NT5C2: variants seen among roughly 807,000 people sequenced by gnomAD.
NT5C2 encodes cytosolic purine 5'-nucleotidase.
In NT5C2, 58 loss-of-function variants were observed where a neutral mutation model predicts 76.1. The ratio of observed to expected loss-of-function variants is 0.76; its 90% CI spans 0.62 to 0.95. The LOEUF is 0.95. Ranked by LOEUF, NT5C2 falls within the 40% of genes least tolerant of loss-of-function variation. NT5C2 has a pLI of 0.00. For missense variants in NT5C2, 478 were observed against 690.3 expected (o/e 0.69, Z 3.45); for synonymous variants, 229 against 237.4 (o/e 0.96, Z 0.32).
chr10:103,114,609 C>T (rs994092901), intron 4 of NT5C2, among the ~76,000 whole-genome samples: 1 of 152,060 alleles, frequency 6.6e-6, no homozygotes, highest in Non-Finnish European at 1.5e-5. Context: ...CTACCTTCTT[C>T]AAAGAGTCTT....
chr10:103,183,874 A>C (rs1367953133), intron 1 of NT5C2, among the ~76,000 whole-genome samples: 1 of 152,108 alleles, frequency 6.6e-6, no homozygotes, highest in Non-Finnish European at 1.5e-5. Flanking sequence ...GGCTCCTTGA[A>C]ACTGTTGCAT....
At chr10:103,130,429 G>A (rs1202727468) in intron 4 of NT5C2, among the ~76,000 whole-genome samples, 123 of 150,728 alleles carry the variant, frequency 8.2e-4, no homozygotes, top group Middle Eastern at 6.8e-3. Context: ...GAAGGCCGCA[G>A]GGTCCTCTGC....
intron 4 of NT5C2, among the ~76,000 whole-genome samples, chr10:103,109,555 G>A (rs1443761429): frequency 3.9e-5 from 6 of 152,122 alleles, no homozygotes; most frequent in African/African-American, 1.4e-4. Flanking sequence ...TAAGTAATTT[G>A]GGTAATCTAC....
At chr10:103,156,804 T>G (rs1042516041) in intron 3 of NT5C2, among the ~76,000 whole-genome samples, 2 of 150,876 alleles carry the variant, frequency 1.3e-5, no homozygotes, top group Non-Finnish European at 2.9e-5. Context: ...ACGCCTGTAA[T>G]CCCAGCACTT....
At chr10:103,108,367 A>C (rs995502042) in intron 4 of NT5C2, among the ~76,000 whole-genome samples, 7 of 152,330 alleles carry the variant, frequency 4.6e-5, no homozygotes, top group African/African-American at 1.7e-4. Context: ...AACTATTATT[A>C]TTATAGTTCT....
chr10:103,139,366 C>G, intron 4 of NT5C2, 40 bp downstream of exon 4: 1 of 1,395,684 alleles, frequency 7.2e-7, no homozygotes, highest in Non-Finnish European at 9.9e-7. Context: ...GTGTTATACC[C>G]AAAGCAGCAG....
intron 1 of NT5C2, among the ~76,000 whole-genome samples, chr10:103,185,456 A>G (rs4917997): frequency 0.41 from 61,905 of 151,576 alleles, 12,825 homozygotes; most frequent in East Asian, 0.53. Flanking sequence ...GACCAGCCTA[A>G]GCAACATGGC....
chr10:103,164,700 C>A (rs548808831), intron 3 of NT5C2, among the ~76,000 whole-genome samples: 1 of 152,158 alleles, frequency 6.6e-6, no homozygotes, highest in South Asian at 2.1e-4. Context: ...ATGAATAAAT[C>A]TCTCTCTCAG....
intron 11 of NT5C2, among the ~76,000 whole-genome samples, chr10:103,096,369 G>C (rs2068178373): frequency 6.6e-6 from 1 of 152,210 alleles, no homozygotes; most frequent in African/African-American, 2.4e-5. Context: ...GTTTATGTAA[G>C]ACTGTTTACT....
chr10:103,100,150 T>C, intron 8 of NT5C2, 131 bp from the exon 9 acceptor site: 2 of 584,642 alleles, frequency 3.4e-6, no homozygotes, highest in Non-Finnish European at 6.1e-6. Context: ...AGGAAAATAA[T>C]TACTCCCTAA....
intron 3 of NT5C2, among the ~76,000 whole-genome samples, chr10:103,170,650 G>T (rs1258998210): frequency 6.6e-6 from 1 of 150,916 alleles, no homozygotes; most frequent in East Asian, 1.9e-4. Flanking sequence ...AGCCTCCCAG[G>T]TAGCTGAGTC....
At chr10:103,192,844 G>C (rs2092742116) in intron 1 of NT5C2, among the ~76,000 whole-genome samples, 1 of 152,218 alleles carries the variant, frequency 6.6e-6, no homozygotes, top group African/African-American at 2.4e-5. Flanking sequence ...ACTGAGGAAA[G>C]GGCTACCACC....
At chr10:103,128,140 G>C (rs1047735511) in intron 4 of NT5C2, among the ~76,000 whole-genome samples, 8 of 148,960 alleles carry the variant, frequency 5.4e-5, no homozygotes, top group Admixed American at 2.0e-4. Flanking sequence ...AAGCTGGACT[G>C]TACTGCTGCC....
intron 1 of NT5C2, among the ~76,000 whole-genome samples, chr10:103,188,172 T>C (rs978249681): frequency 2.0e-5 from 3 of 151,952 alleles, no homozygotes; most frequent in South Asian, 2.1e-4. Context: ...CTGGCCAACA[T>C]AGCGAAACCC....
At chr10:103,179,981 G>A (rs2090771384) in intron 2 of NT5C2, among the ~76,000 whole-genome samples, 1 of 151,972 alleles carries the variant, frequency 6.6e-6, no homozygotes, top group African/African-American at 2.4e-5. Flanking sequence ...CTATGGTTTG[G>A]GACAAAATAT....
intron 3 of NT5C2, among the ~76,000 whole-genome samples, chr10:103,155,988 T>A (rs551400519): frequency 6.6e-6 from 1 of 151,976 alleles, no homozygotes; most frequent in South Asian, 2.1e-4. Flanking sequence ...ACATACAAGA[T>A]CCTGTCTCTA....
intron 3 of NT5C2, among the ~76,000 whole-genome samples, chr10:103,170,496 TACACACACACAA>T (rs2087650941): frequency 6.6e-6 from 1 of 150,578 alleles, no homozygotes; most frequent in Non-Finnish European, 1.5e-5. Flanking sequence ...CAGGCTATGA[TACACACACACAA>T]GCACACACAC....
intron 4 of NT5C2, among the ~76,000 whole-genome samples, chr10:103,111,559 T>C (rs2073049708): frequency 6.6e-6 from 1 of 152,180 alleles, no homozygotes; most frequent in Non-Finnish European, 1.5e-5. Context: ...AGAATACATA[T>C]TAAAGGACAA....
At chr10:103,140,945 C>T (rs1427440146) in intron 3 of NT5C2, among the ~76,000 whole-genome samples, 2 of 152,092 alleles carry the variant, frequency 1.3e-5, no homozygotes, top group East Asian at 1.9e-4. Flanking sequence ...ATACATGGTT[C>T]GCAAACAGTT....
Sources: gnomAD v4.1 joint callset for allele counts (sites outside exome capture counted in the v4.1 genomes callset) on GRCh38, gnomAD v4.1.1 for gene constraint, MANE v1.5 for transcripts, NCBI Gene and HGNC (gene_info 2026-07-23, HGNC 2026-07-21) for gene names.